The following DCDC2C variants were observed in gnomAD, a reference collection of about 807,000 sequenced individuals.
DCDC2C encodes the protein doublecortin domain containing 2C.
Under a neutral mutation model 45.0 loss-of-function variants are expected in DCDC2C, and 44 were observed. The ratio of observed to expected loss-of-function variants is 0.98; its 90% CI spans 0.77 to 1.26. The LOEUF (loss-of-function observed/expected upper bound fraction) is 1.26, where lower values mean the gene tolerates loss of function less well. Among genes scored for constraint, DCDC2C ranks in the 50% most tolerant of loss-of-function variants. The pLI, the probability that DCDC2C is intolerant of heterozygous loss-of-function variation, is 0.00. For missense variants in DCDC2C, 447 were observed against 468.9 expected, an observed-to-expected ratio of 0.95 and a Z score of 0.43; for synonymous variants, 187 against 178.8, an observed-to-expected ratio of 1.05 and a Z score of -0.37.
At chr2:3,792,985 G>C (rs1051998786) in intron 10 of DCDC2C, among the ~76,000 whole-genome samples, 3 of 152,122 alleles carry the variant, frequency 2.0e-5, no homozygotes, top group African/African-American at 2.4e-5. Flanking sequence ...ACTGAGATTC[G>C]CCGTTCAGAG....
At chr2:3,831,007 T>C (rs1007913555) in intron 10 of DCDC2C, among the ~76,000 whole-genome samples, 1 of 152,142 alleles carries the variant, frequency 6.6e-6, no homozygotes, top group Admixed American at 6.5e-5. Context: ...CTTTTGAGTT[T>C]TGTAAAATTG....
At chr2:3,725,699 A>ACGAGCAGAGAGGGAGGAGGCTGCCC (rs1558564940) in intron 2 of DCDC2C, among the ~76,000 whole-genome samples, 1 of 149,896 alleles carries the variant, frequency 6.7e-6, no homozygotes, top group Non-Finnish European at 1.5e-5. Context: ...TGGATCCCAG[A>ACGAGCAGAGAGGGAGGAGGCTGCCC]GGGAGATGAG....
intron 7 of DCDC2C, chr2:3,768,973 G>T: frequency 4.6e-6 from 1 of 215,336 alleles, no homozygotes; most frequent in Non-Finnish European, 9.4e-6. Flanking sequence ...CCAAGGCTTG[G>T]TGGACACAGG....
chr2:3,788,776 G>A (rs76354205), intron 10 of DCDC2C, among the ~76,000 whole-genome samples: 7 of 106,422 alleles, frequency 6.6e-5, no homozygotes, highest in African/African-American at 1.9e-4. Flanking sequence ...CCTTTCTTCC[G>A]TTTCCCTTTC....
At chr2:3,723,702 G>C (rs1428520182) in intron 2 of DCDC2C, among the ~76,000 whole-genome samples, 2 of 152,194 alleles carry the variant, frequency 1.3e-5, no homozygotes, top group Admixed American at 6.5e-5. Context: ...GGGAGAGATG[G>C]TGGAGGCAGT....
rs1672367739 is a variant in DCDC2C, at chr2:3,847,737, AG to A, written c.*559del. On this transcript the variant is annotated 3_prime_UTR_variant, in exon 11 of 11. Transcript: ENST00000399143. The stretch of plus-strand genomic sequence containing the variant: ...AATTGTAATCCCCATGTGTTGGAGG[AG>A]GGGGCCGGTGGGAGGTGATTGAATC... Among the ~76,000 whole-genome samples the A allele has an allele frequency of 6.6e-6, 1 of 152,064 alleles. No homozygotes were observed.
At chr2:3,836,035 T>C (rs1459707763) in intron 10 of DCDC2C, among the ~76,000 whole-genome samples, 1 of 152,202 alleles carries the variant, frequency 6.6e-6, no homozygotes, top group Non-Finnish European at 1.5e-5. Context: ...TAAGCCACTG[T>C]GGCCAGCCAA....
At chr2:3,714,391 G>A (rs1335194327) in intron 2 of DCDC2C, among the ~76,000 whole-genome samples, 1 of 152,142 alleles carries the variant, frequency 6.6e-6, no homozygotes, top group African/African-American at 2.4e-5. Context: ...TCAATGGAAG[G>A]ACTTCTATTA....
rs1255866745 is a variant in DCDC2C at position 3,797,891 on chromosome 2, C to T, written c.1065+12791C>T. Among the ~76,000 whole-genome samples the T allele has an allele frequency of 6.4e-4, 86 of 134,542 alleles. 1 individual carries two copies. The highest frequency in any genetic ancestry group is 1.9e-3 in the East Asian group (8 of 4,276). 88.3% of individuals were successfully genotyped at this position (134,542 alleles called of 152,430 possible). On this transcript the variant is annotated intron_variant, in intron 10 of 10. Transcript: ENST00000399143. ...TCTGTAGATGTCTATTAGGTCCGCT[C>T]AGTCCAGAGCTGAGTTCAATTCCTG...
chr2:3,786,308 G>C (rs1427684169), intron 10 of DCDC2C, among the ~76,000 whole-genome samples: 1 of 142,314 alleles, frequency 7.0e-6, no homozygotes, highest in Non-Finnish European at 1.5e-5. Flanking sequence ...TGAACCTCTC[G>C]TGCAGATGTG....
At chr2:3,776,632 T>A (rs10195596) in intron 8 of DCDC2C, among the ~76,000 whole-genome samples, 1 of 152,062 alleles carries the variant, frequency 6.6e-6, no homozygotes, top group Non-Finnish European at 1.5e-5. Context: ...AGATGCTGGC[T>A]TTCAGCAAGG....
In DCDC2C at chr2:3,822,675, G is replaced by A. The variant is rs149331090; in HGVS notation, c.1066-24479G>A. On this transcript the variant is annotated intron_variant, in intron 10 of 10. Transcript: ENST00000399143. ...CTTCTGCTTGCCTTGAGTTTTGTTT[G>A]CTCTTTCCTTTTTGTATAGCTTCTT... Among the ~76,000 whole-genome samples, 70 of 151,158 alleles carry A rather than the reference G, an allele frequency of 4.6e-4. 1 individual carries two copies. In the East Asian group the frequency reaches 0.013, roughly 27 times the overall value.
chr2:3,771,116 G>A (rs1468365120), intron 8 of DCDC2C, among the ~76,000 whole-genome samples: 4 of 152,250 alleles, frequency 2.6e-5, no homozygotes, highest in Non-Finnish European at 4.4e-5. Context: ...GACCCCCTGA[G>A]GGTGAGCTAG....
intron 3 of DCDC2C, among the ~76,000 whole-genome samples, chr2:3,728,560 C>T (rs1275732567): frequency 6.6e-6 from 1 of 152,108 alleles, no homozygotes; most frequent in African/African-American, 2.4e-5. Flanking sequence ...TTATTTTTTT[C>T]AATGAGAAAC....
chr2:3,826,345 C>A (rs537628104), intron 10 of DCDC2C, among the ~76,000 whole-genome samples: 2 of 152,112 alleles, frequency 1.3e-5, no homozygotes, highest in Admixed American at 1.3e-4. Context: ...GTTTTAAAAT[C>A]AGTTTATAAA....
chr2:3,803,098 A>G (rs73146851), intron 10 of DCDC2C, among the ~76,000 whole-genome samples: 3,165 of 152,292 alleles, frequency 0.021, 100 homozygotes, highest in African/African-American at 0.072. Context: ...CCAATAGTTG[A>G]TATATAATAA....
intron 9 of DCDC2C, 87 bp downstream of exon 9, chr2:3,778,971 C>T: frequency 1.5e-6 from 2 of 1,311,900 alleles, no homozygotes; most frequent in Non-Finnish European, 2.1e-6. Context: ...GTGAAAGGAT[C>T]TGAGATCACA....
intron 3 of DCDC2C, among the ~76,000 whole-genome samples, chr2:3,733,188 G>T (rs1668922699): frequency 6.6e-6 from 1 of 152,178 alleles, no homozygotes; most frequent in Admixed American, 6.5e-5. Context: ...TGGATAAAGT[G>T]TATTTGTCAG....
intron 2 of DCDC2C, among the ~76,000 whole-genome samples, chr2:3,718,079 C>CT (rs751530584): frequency 1.3e-5 from 2 of 152,224 alleles, no homozygotes; most frequent in Non-Finnish European, 2.9e-5. Flanking sequence ...TCCCAGCCCT[C>CT]TGAGGCCAGG....
Sources: allele counts gnomAD v4.1 joint callset (sites outside exome capture counted in the v4.1 genomes callset), GRCh38; gene constraint gnomAD v4.1.1; transcripts MANE v1.5; gene names NCBI Gene and HGNC (gene_info 2026-07-23, HGNC 2026-07-21).